Variants in JPH3 observed in about 807,000 individuals in gnomAD.
JPH3 encodes the protein junctophilin 3, also known as junctophilin-3.
Under a neutral mutation model 59.6 loss-of-function variants are expected in JPH3, and 11 were observed. The observed-to-expected ratio is 0.18, with a 90% CI of 0.12 to 0.31. The LOEUF (loss-of-function observed/expected upper bound fraction) is 0.31. Ranked by LOEUF, JPH3 falls within the 10% of genes least tolerant of loss-of-function variation. The probability of loss-of-function intolerance (pLI) is 1.00; values close to 1 mark genes in which losing one functional copy is unlikely to be tolerated. For synonymous variants in JPH3, 673 were observed against 483.6 expected (o/e 1.39, Z -5.14); for missense variants, 1,202 against 1,105.7 (o/e 1.09, Z -1.24).
chr16:87,681,995 G>C (rs1207138400), intron 2 of JPH3, among the ~76,000 whole-genome samples: 1 of 152,100 alleles, frequency 6.6e-6, no homozygotes, highest in African/African-American at 2.4e-5. Flanking sequence ...TGTGGCGGGG[G>C]GTCATGCAGA....
At chr16:87,630,515 G>A (rs2031532641) in intron 1 of JPH3, among the ~76,000 whole-genome samples, 1 of 152,198 alleles carries the variant, frequency 6.6e-6, no homozygotes, top group Admixed American at 6.5e-5. Context: ...CGTTGACAAC[G>A]TACGAGTCCC....
Position 87,611,828 on chromosome 16 carries a change from C to A in JPH3, c.382+8300C>A, listed in dbSNP as rs1174690597. Among the ~76,000 whole-genome samples, 7 of 152,234 alleles carry A rather than the reference C, an allele frequency of 4.6e-5. No individual in the cohort carries two copies. Among genetic ancestry groups the A allele is most frequent in the African/African-American group, 1.7e-4 (7 of 41,450 alleles). ...TGATCTGGGGACCTCACATTAAGAACCACAGTCCTGGGCTTGTGCCTCCTA... is the reference window on the plus strand; with the variant it reads ...TGATCTGGGGACCTCACATTAAGAAACACAGTCCTGGGCTTGTGCCTCCTA... On this transcript the variant is annotated intron_variant, in intron 1 of 4. Coordinates refer to ENST00000284262, the MANE Select transcript of JPH3 (RefSeq NM_020655.4). The surrounding 1 kb of genome is among the most constrained non-coding windows in gnomAD (Gnocchi z 4.5).
intron 2 of JPH3, among the ~76,000 whole-genome samples, chr16:87,671,451 G>A (rs895764303): frequency 1.3e-4 from 20 of 152,198 alleles, no homozygotes; most frequent in Admixed American, 7.2e-4. Context: ...ACTCACCAGC[G>A]CCACCTGGTA....
chr16:87,644,515 C>G lies in JPH3; in HGVS notation c.640C>G (p.Leu214Val), dbSNP rs1032890595. 2.5e-6 allele frequency: 4 copies of G among 1,612,914 alleles called. No individual in the cohort carries two copies. Among genetic ancestry groups the G allele is most frequent in the Non-Finnish European group, 3.4e-6 (4 of 1,179,852 alleles). ...SEILKSKKKGLFRRSLLSGLK... is the reference protein window; with the variant it reads ...SEILKSKKKGVFRRSLLSGLK... ...GATCCTCAAGAGCAAGAAGAAGGGG[C>G]TGTTTCGGCGCTCGCTGCTGAGTGG... The change falls in exon 2 of 5, where the codon CTG becomes GTG. Residue 214 changes from leucine (L) to valine (V), a missense_variant. Transcript: ENST00000284262.
intron 1 of JPH3, among the ~76,000 whole-genome samples, chr16:87,624,439 T>A (rs1311080121): frequency 6.6e-6 from 1 of 152,216 alleles, no homozygotes; most frequent in Non-Finnish European, 1.5e-5. Flanking sequence ...GTCGCTTCTG[T>A]TGCCCAGCGT....
intron 2 of JPH3, among the ~76,000 whole-genome samples, chr16:87,661,774 G>A (rs1409547502): frequency 2.0e-5 from 3 of 152,206 alleles, no homozygotes; most frequent in South Asian, 4.1e-4. Context: ...ATGGGGCTTC[G>A]ACTTAGAAGG....
chr16:87,606,427 CCCCTTAGGGTACT>C (rs1216821021), intron 1 of JPH3, among the ~76,000 whole-genome samples: 1 of 152,228 alleles, frequency 6.6e-6, no homozygotes, highest in Non-Finnish European at 1.5e-5. Flanking sequence ...GGTGTGTCCT[CCCCTTAGGGTACT>C]CCCTGATTGA....
intron 1 of JPH3, among the ~76,000 whole-genome samples, chr16:87,623,965 G>A (rs569590628): frequency 2.6e-5 from 4 of 152,340 alleles, no homozygotes; most frequent in South Asian, 4.1e-4. Flanking sequence ...TGGCCTTGGC[G>A]TTGCCCAGAA....
rs375780628 is a variant in JPH3, at chr16:87,644,524, C to T, written c.649C>T (p.Arg217Cys). Residue 217 changes from arginine (R) to cysteine (C), a missense_variant, in exon 2 of 5, where the codon CGC (arginine) becomes TGC (cysteine). Physicochemically the swap from Arg to Cys is radical, Grantham distance 180. Coordinates refer to ENST00000284262, the MANE Select transcript of JPH3 (RefSeq NM_020655.4). The part of the protein sequence containing the change: ...LKSKKKGLFR[R>C]SLLSGLKLRK... ...GAGCAAGAAGAAGGGGCTGTTTCGG[C>T]GCTCGCTGCTGAGTGGGCTGAAGCT... 2.8e-5 allele frequency: 45 copies of T among 1,612,782 alleles called. No individual in the cohort carries two copies. Among genetic ancestry groups the T allele is most frequent in the Admixed American group, 1.2e-4 (7 of 60,000 alleles).
chr16:87,608,951 C>T (rs1012554734), intron 1 of JPH3, among the ~76,000 whole-genome samples: 9 of 152,236 alleles, frequency 5.9e-5, no homozygotes, highest in African/African-American at 1.9e-4. Context: ...GTGAGAGGAT[C>T]GCTTGAGCCC....
chr16:87,637,345 C>T (rs940596875), intron 1 of JPH3, among the ~76,000 whole-genome samples: 21 of 152,222 alleles, frequency 1.4e-4, no homozygotes, highest in South Asian at 6.2e-4. Context: ...TGCTCCTCCC[C>T]GGCCATCATC....
At chr16:87,608,556 G>T (rs1046907762) in intron 1 of JPH3, among the ~76,000 whole-genome samples, 2 of 152,190 alleles carry the variant, frequency 1.3e-5, no homozygotes, top group African/African-American at 2.4e-5. Context: ...TCCAAGTCTG[G>T]AGAGGAGAGG....
intron 1 of JPH3, among the ~76,000 whole-genome samples, chr16:87,641,034 G>A (rs1198251652): frequency 6.6e-6 from 1 of 152,244 alleles, no homozygotes. Flanking sequence ...GCAAGCCACA[G>A]GGTTTCCCCC....
intron 2 of JPH3, among the ~76,000 whole-genome samples, chr16:87,655,598 C>G (rs1350531383): frequency 6.6e-6 from 1 of 152,260 alleles, no homozygotes; most frequent in African/African-American, 2.4e-5. Context: ...AAAAATTCTC[C>G]TGCCTCAGCC....
At chr16:87,639,087 C>A (rs945585995) in intron 1 of JPH3, among the ~76,000 whole-genome samples, 1 of 152,150 alleles carries the variant, frequency 6.6e-6, no homozygotes, top group African/African-American at 2.4e-5. Flanking sequence ...TCTCCAGCCT[C>A]AGTTGCCTCA....
rs545285485 is a variant in JPH3 at position 87,682,525 on chromosome 16, C to T, written c.1161-1617C>T. Among the ~76,000 whole-genome samples, 5 of 152,270 alleles carry T rather than the reference C, an allele frequency of 3.3e-5. No homozygotes were observed. In the South Asian group the frequency reaches 1.0e-3, roughly 32 times the overall value. ...GAGGCCTCAGAGAGCACCCTCGCTT[C>T]TTCTACCATGTGAGCACCCAGCAGG... On this transcript the variant is annotated intron_variant, in intron 2 of 4. Coordinates refer to ENST00000284262, the MANE Select transcript of JPH3 (RefSeq NM_020655.4).
rs1313179507 is a variant in JPH3, at chr16:87,696,838, G to GT, written c.*184dup. On this transcript the variant is annotated 3_prime_UTR_variant, in exon 5 of 5. Transcript: ENST00000284262. The stretch of plus-strand genomic sequence containing the variant: ...CAGTTTGCCTTTTTTTCTGGGTAAT[G>GT]TTTTTTGGATTTTAGCCAAAATTCT... The GT allele has an allele frequency of 8.1e-6, 5 of 616,214 alleles. No homozygotes were observed. Among genetic ancestry groups the GT allele is most frequent in the South Asian group, 1.9e-5 (1 of 51,336 alleles). The allele number at this position is 616,214 out of a possible 1,614,324, so 38.2% of individuals were successfully genotyped here.
At chr16:87,628,615 C>T (rs889989175) in intron 1 of JPH3, among the ~76,000 whole-genome samples, 1 of 152,206 alleles carries the variant, frequency 6.6e-6, no homozygotes, top group Non-Finnish European at 1.5e-5. Context: ...TTAACCTCAT[C>T]ACTCGGTGTT....
chr16:87,660,070 C>A (rs554045010), intron 2 of JPH3, among the ~76,000 whole-genome samples: 1 of 152,204 alleles, frequency 6.6e-6, no homozygotes, highest in East Asian at 1.9e-4. Flanking sequence ...CCTGGAAACC[C>A]TGGGAAAGCA....
Sources: gnomAD v4.1 joint callset for allele counts (sites outside exome capture counted in the v4.1 genomes callset) on GRCh38, gnomAD v4.1.1 for gene constraint, Gnocchi (gnomAD v3.1) non-coding constraint, MANE v1.5 for transcripts, NCBI Gene and HGNC (gene_info 2026-07-23, HGNC 2026-07-21) for gene names.